The following CCN6 variants were observed in gnomAD, a reference collection of about 807,000 sequenced individuals.
The protein encoded by CCN6 is CCN family member 6.
In CCN6, 31 loss-of-function variants were observed where a neutral mutation model predicts 37.4. That is an observed-to-expected ratio of 0.83 (90% confidence interval 0.62 to 1.12). The LOEUF (loss-of-function observed/expected upper bound fraction) is 1.12. Ranked by LOEUF, CCN6 falls within the 50% of genes most tolerant of loss-of-function variation. The pLI, the probability that CCN6 is intolerant of heterozygous loss-of-function variation, is 0.00. For synonymous variants in CCN6, 137 were observed against 142.1 expected (o/e 0.96, Z 0.26); for missense variants, 369 against 413.8 (o/e 0.89, Z 0.94).
intron 1 of CCN6, among the ~76,000 whole-genome samples, chr6:112,058,931 G>A (rs587692852): frequency 1.3e-5 from 2 of 152,334 alleles, no homozygotes; most frequent in African/African-American, 4.8e-5. Flanking sequence ...GCTAGTTGAG[G>A]AGCAGTTTGT....
chr6:112,065,121 G>A (rs1387768700), intron 3 of CCN6, 124 bp downstream of exon 3: 1 of 1,453,356 alleles, frequency 6.9e-7, no homozygotes, highest in Non-Finnish European at 9.5e-7. Context: ...TATAGTTTGA[G>A]TGTATCATTT....
chr6:112,064,194 T>C (rs1414599797), intron 2 of CCN6, among the ~76,000 whole-genome samples: 2 of 152,202 alleles, frequency 1.3e-5, no homozygotes, highest in Non-Finnish European at 2.9e-5. Context: ...AAAAGAGTTT[T>C]GACCTTGCAG....
intron 4 of CCN6, 81 bp from the exon 5 acceptor site, chr6:112,069,258 T>G: frequency 6.7e-7 from 1 of 1,483,038 alleles, no homozygotes; most frequent in Non-Finnish European, 9.1e-7. Context: ...TACTCAGATT[T>G]GTACTATAAA....
intron 2 of CCN6, 57 bp downstream of exon 2, chr6:112,061,345 T>C: frequency 6.2e-7 from 1 of 1,612,624 alleles, no homozygotes; most frequent in Non-Finnish European, 8.5e-7. Flanking sequence ...GAATTTTTTT[T>C]TCCTGCAATT....
chr6:112,055,718 G>A (rs1258990095), intron 1 of CCN6, among the ~76,000 whole-genome samples: 1 of 152,062 alleles, frequency 6.6e-6, no homozygotes, highest in African/African-American at 2.4e-5. Context: ...AGCCTCCCAA[G>A]TAGCTGAGAT....
chr6:112,064,109 T>C (rs1248415692), intron 2 of CCN6, among the ~76,000 whole-genome samples: 12 of 152,186 alleles, frequency 7.9e-5, no homozygotes, highest in African/African-American at 2.9e-4. Context: ...AGTTCAGTTT[T>C]AGCCACAGTT....
intron 2 of CCN6, 151 bp from the exon 3 acceptor site, chr6:112,064,604 G>A: frequency 1.7e-6 from 2 of 1,202,164 alleles, no homozygotes; most frequent in South Asian, 2.5e-5. Flanking sequence ...TTCTACAGAT[G>A]TCCTGTGAAG....
chr6:112,059,959 A>C (rs185089945), intron 1 of CCN6: 1 of 1,346,510 alleles, frequency 7.4e-7, no homozygotes, highest in Non-Finnish European at 9.9e-7. Context: ...GTGGTCAAAG[A>C]GGGCCTCACT....
upstream of CCN6, chr6:112,053,994 A>G (rs889048449): frequency 9.1e-6 from 4 of 439,064 alleles, no homozygotes; most frequent in African/African-American, 8.0e-5. Context: ...GTGGGACCCC[A>G]CCCGTTGTCG....
chr6:112,068,662 AAC>A (rs2114470330), intron 4 of CCN6, among the ~76,000 whole-genome samples: 1 of 152,232 alleles, frequency 6.6e-6, no homozygotes, highest in East Asian at 1.9e-4. Context: ...TAATTATGAA[AAC>A]AGATATTATG....
intron 1 of CCN6, among the ~76,000 whole-genome samples, chr6:112,055,086 A>G (rs1161043138): frequency 6.6e-6 from 1 of 152,258 alleles, no homozygotes; most frequent in Non-Finnish European, 1.5e-5. Flanking sequence ...TTTACACGGT[A>G]GACAGGAGAC....
chr6:112,061,476 TTCAGAA>T, intron 2 of CCN6, 188 bp downstream of exon 2: 1 of 684,752 alleles, frequency 1.5e-6, no homozygotes, highest in African/African-American at 1.8e-5. Flanking sequence ...CTTACACACA[TTCAGAA>T]GCCCATTATT....
At chr6:112,055,043 A>C (rs955542858) in intron 1 of CCN6, among the ~76,000 whole-genome samples, 1 of 152,242 alleles carries the variant, frequency 6.6e-6, no homozygotes, top group African/African-American at 2.4e-5. Context: ...TTAAATAAGA[A>C]GATGAAAACA....
chr6:112,064,603 T>A (rs1554313483), intron 2 of CCN6, 152 bp from the exon 3 acceptor site: 17 of 1,185,390 alleles, frequency 1.4e-5, no homozygotes, highest in South Asian at 1.0e-4. Flanking sequence ...TTTCTACAGA[T>A]GTCCTGTGAA....
At chr6:112,068,535 C>A (rs1157940037) in intron 4 of CCN6, 137 bp downstream of exon 4, 27 of 843,922 alleles carry the variant, frequency 3.2e-5, no homozygotes, top group Non-Finnish European at 4.6e-5. Flanking sequence ...TAAAGTCAAA[C>A]TATTTCAGAG....
At chr6:112,058,838 G>A (rs907168533) in intron 1 of CCN6, among the ~76,000 whole-genome samples, 10 of 152,202 alleles carry the variant, frequency 6.6e-5, no homozygotes. Flanking sequence ...AAGGATGAGG[G>A]AGAGGAAGAA....
rs781898030 is a variant in CCN6 at position 112,069,615 on chromosome 6, C to G, written c.1060C>G (p.Leu354Val). The G allele has an allele frequency of 1.2e-6, 2 of 1,613,514 alleles. No homozygotes were observed. Among genetic ancestry groups the G allele is most frequent in the Non-Finnish European group, 1.7e-6 (2 of 1,179,752 alleles). The change falls in exon 5 of 5, where the codon CTG becomes GTG. Residue 354 changes from leucine to valine, a missense_variant. Physicochemically the swap from Leu to Val is conservative, Grantham distance 32. Transcript: ENST00000368666. The stretch of plus-strand genomic sequence containing the variant: ...AGATATATTTTCTGAGCTCAAGATT[C>G]TGTAAAACCAAGCAAATGGGGGAAA... Reference protein sequence around the residue: ...PGDIFSELKIL With the variant: ...PGDIFSELKIV
rs1459489540 is a variant in CCN6 at position 112,060,228 on chromosome 6, G to C, written c.49-763G>C. On this transcript the variant is annotated intron_variant, in intron 1 of 4. Coordinates refer to ENST00000368666, the MANE Select transcript of CCN6 (RefSeq NM_198239.2). ...TATGAGCAAAGAGTGATATGAACTGGCTTATTTTTAAAGAATCATTCTGGA... is the reference window on the plus strand; with the variant it reads ...TATGAGCAAAGAGTGATATGAACTGCCTTATTTTTAAAGAATCATTCTGGA... Among the ~76,000 whole-genome samples the C allele has an allele frequency of 3.3e-5, 5 of 152,176 alleles. No individual in the cohort carries two copies. The highest frequency in any genetic ancestry group is 1.2e-4 in the African/African-American group (5 of 41,444).
At chr6:112,066,333 G>T (rs1776695330) in intron 3 of CCN6, among the ~76,000 whole-genome samples, 1 of 151,842 alleles carries the variant, frequency 6.6e-6, no homozygotes, top group Non-Finnish European at 1.5e-5. Flanking sequence ...TCAGTATAAG[G>T]CTCTTAGAAC....
Sources: allele counts gnomAD v4.1 joint callset (sites outside exome capture counted in the v4.1 genomes callset), GRCh38; gene constraint gnomAD v4.1.1; transcripts MANE v1.5; gene names NCBI Gene and HGNC (gene_info 2026-07-23, HGNC 2026-07-21).